The following PTPRT variants were observed in gnomAD, a reference collection of about 807,000 sequenced individuals.
PTPRT encodes the protein protein tyrosine phosphatase receptor type T.
In PTPRT, 56 loss-of-function variants were observed where a neutral mutation model predicts 176.8. The observed-to-expected ratio is 0.32, with a 90% CI of 0.26 to 0.40. The LOEUF (loss-of-function observed/expected upper bound fraction) is 0.40, where lower values mean the gene tolerates loss of function less well. Among genes scored for constraint, PTPRT ranks in the 10% least tolerant of loss-of-function variants. PTPRT has a pLI of 1.00. For synonymous variants in PTPRT, 783 were observed against 739.0 expected (o/e 1.06, Z -0.96); for missense variants, 1,540 against 1,908.2 (o/e 0.81, Z 3.60).
intron 15 of PTPRT, among the ~76,000 whole-genome samples, chr20:42,233,814 C>T (rs1397784950): frequency 6.6e-6 from 1 of 152,146 alleles, no homozygotes; most frequent in Non-Finnish European, 1.5e-5. Flanking sequence ...CTTCTGCATC[C>T]CACTGCTGGT....
intron 11 of PTPRT, among the ~76,000 whole-genome samples, chr20:42,344,289 AT>A: frequency 6.6e-6 from 1 of 152,280 alleles, no homozygotes; most frequent in African/African-American, 2.4e-5. Context: ...AGGTATTCCC[AT>A]TTATCGACAA....
chr20:43,001,966 T>C (rs1479165682), intron 1 of PTPRT, among the ~76,000 whole-genome samples: 3 of 152,132 alleles, frequency 2.0e-5, no homozygotes, highest in Non-Finnish European at 4.4e-5. Context: ...CCCCACCCAA[T>C]GTCATCTTGA....
At chr20:42,756,365 T>G (rs1416134028) in intron 6 of PTPRT, 97 bp downstream of exon 6, 7 of 1,247,484 alleles carry the variant, frequency 5.6e-6, no homozygotes, top group Non-Finnish European at 6.4e-6. Context: ...CCTCTTTTAC[T>G]GAATGTGGGG....
intron 27 of PTPRT, among the ~76,000 whole-genome samples, chr20:42,086,973 C>T: frequency 6.6e-6 from 1 of 150,888 alleles, no homozygotes; most frequent in South Asian, 2.1e-4. Flanking sequence ...CAGCTGAGAG[C>T]AAAAGGCAGT....
intron 15 of PTPRT, among the ~76,000 whole-genome samples, chr20:42,212,055 C>A (rs1272752020): frequency 1.4e-5 from 2 of 145,156 alleles, no homozygotes; most frequent in Admixed American, 6.9e-5. Flanking sequence ...GAAAAAAAAA[C>A]CAAACACCGC....
At chr20:42,315,627 T>G in intron 12 of PTPRT, 96 bp downstream of exon 12, 3 of 1,437,972 alleles carry the variant, frequency 2.1e-6, no homozygotes, top group Non-Finnish European at 2.8e-6. Flanking sequence ...CGGGCCTTAG[T>G]TTTTCATCCT....
At chr20:42,055,697 G>A in the PTPRT span, among the ~76,000 whole-genome samples, 1 of 152,190 alleles carries the variant, frequency 6.6e-6, no homozygotes, top group Non-Finnish European at 1.5e-5. Context: ...GAGGACCATG[G>A]GGGGAATGAG....
intron 7 of PTPRT, among the ~76,000 whole-genome samples, chr20:42,519,019 A>G (rs1204371051): frequency 6.6e-6 from 1 of 152,088 alleles, no homozygotes; most frequent in African/African-American, 2.4e-5. Flanking sequence ...TTCCAAAACT[A>G]TGGTGCAATG....
At chr20:42,246,535 G>A (rs1600724428) in intron 14 of PTPRT, among the ~76,000 whole-genome samples, 1 of 152,206 alleles carries the variant, frequency 6.6e-6, no homozygotes, top group East Asian at 1.9e-4. Flanking sequence ...ACTCAGAGGA[G>A]GTTAAAACTA....
chr20:42,593,737 C>G (rs1251203783), intron 7 of PTPRT, among the ~76,000 whole-genome samples: 1 of 152,098 alleles, frequency 6.6e-6, no homozygotes, highest in South Asian at 2.1e-4. Flanking sequence ...GAATCCAGTA[C>G]CAGGAAGGGA....
Position 42,074,503 on chromosome 20 carries a change from G to T in PTPRT, c.*6376C>A, listed in dbSNP as rs891463405. 2 of 341,488 alleles carry T rather than the reference G, an allele frequency of 5.9e-6. No homozygotes were observed. The highest frequency in any genetic ancestry group is 1.1e-5 in the Non-Finnish European group (2 of 190,102). The allele number at this position is 341,488 out of a possible 1,614,324, so 21.2% of individuals were successfully genotyped here. A position where few individuals can be genotyped will look rare whatever the true frequency, so the allele number is the denominator to read the frequency against. ...CTCATTCTCCGAACATTCCAATTAAGGATCAGAGTCCACATCTCACCACCC... is the reference window on the plus strand; with the variant it reads ...CTCATTCTCCGAACATTCCAATTAATGATCAGAGTCCACATCTCACCACCC... On this transcript the variant is annotated 3_prime_UTR_variant, in exon 31 of 31. Transcript: ENST00000373187.
At chr20:42,232,164 A>G (rs973864246) in intron 15 of PTPRT, among the ~76,000 whole-genome samples, 2 of 152,204 alleles carry the variant, frequency 1.3e-5, no homozygotes, top group African/African-American at 2.4e-5. Context: ...CATTCCACAA[A>G]TATTGGTGGA....
intron 7 of PTPRT, among the ~76,000 whole-genome samples, chr20:42,601,521 G>A (rs78772900): frequency 0.024 from 3,616 of 152,194 alleles, 73 homozygotes; most frequent in Non-Finnish European, 0.03. Context: ...AATCTAGTCA[G>A]ATACAAAGTT....
chr20:43,014,655 T>C (rs1214196872), intron 1 of PTPRT, among the ~76,000 whole-genome samples: 1 of 152,196 alleles, frequency 6.6e-6, no homozygotes, highest in Non-Finnish European at 1.5e-5. Flanking sequence ...AAATCTGCCA[T>C]GAAAATTCAA....
At chr20:42,302,052 A>G (rs1246098321) in intron 12 of PTPRT, among the ~76,000 whole-genome samples, 1 of 152,200 alleles carries the variant, frequency 6.6e-6, no homozygotes, top group African/African-American at 2.4e-5. Context: ...GTTTTTCCCA[A>G]CATGAGTGAC....
chr20:42,152,567 G>C (rs560094411), intron 17 of PTPRT, among the ~76,000 whole-genome samples: 10 of 152,310 alleles, frequency 6.6e-5, no homozygotes, highest in Non-Finnish European at 1.3e-4. Context: ...TCTCCTTTAG[G>C]TGACAAATTC....
intron 2 of PTPRT, among the ~76,000 whole-genome samples, chr20:42,820,534 CA>C (rs1345263921): frequency 1.3e-5 from 2 of 151,840 alleles, no homozygotes; most frequent in Non-Finnish European, 2.9e-5. Flanking sequence ...CAAACTAATC[CA>C]AAAGCTAGCA....
At chr20:42,362,028 ATG>A (rs2058437942) in intron 9 of PTPRT, among the ~76,000 whole-genome samples, 1 of 152,240 alleles carries the variant, frequency 6.6e-6, no homozygotes, top group African/African-American at 2.4e-5. Context: ...CAAATGATGA[ATG>A]TCAACAATAC....
chr20:42,311,697 C>T (rs1157070759), intron 12 of PTPRT, among the ~76,000 whole-genome samples: 4 of 152,130 alleles, frequency 2.6e-5, no homozygotes, highest in Non-Finnish European at 1.5e-5. Flanking sequence ...TTTACCCCCC[C>T]GTCACCCCAT....
Sources: allele counts gnomAD v4.1 joint callset (sites outside exome capture counted in the v4.1 genomes callset), GRCh38; gene constraint gnomAD v4.1.1; transcripts MANE v1.5; gene names NCBI Gene and HGNC (gene_info 2026-07-23, HGNC 2026-07-21).